Variants in TUSC3 observed in about 807,000 individuals in gnomAD.
TUSC3 encodes the protein tumor suppressor candidate 3, also known as dolichyl-diphosphooligosaccharide--protein glycosyltransferase subunit TUSC3.
Under a neutral mutation model 44.8 loss-of-function variants are expected in TUSC3, and 45 were observed. That is an observed-to-expected ratio of 1.00 (90% CI 0.79 to 1.29). The LOEUF (loss-of-function observed/expected upper bound fraction) is 1.29, where lower values mean the gene tolerates loss of function less well. Ranked by LOEUF, TUSC3 falls within the 50% of genes most tolerant of loss-of-function variation. The pLI, the probability that TUSC3 is intolerant of heterozygous loss-of-function variation, is 0.00. For missense variants in TUSC3, 519 were observed against 437.9 expected (o/e 1.19, Z -1.65); for synonymous variants, 212 against 152.9 (o/e 1.39, Z -2.85).
chr8:15,780,271 A>G, the TUSC3 span, among the ~76,000 whole-genome samples: 1 of 152,096 alleles, frequency 6.6e-6, no homozygotes, highest in African/African-American at 2.4e-5. Context: ...CATGGACCCC[A>G]CCCCAGGTAC....
intron 6 of TUSC3, among the ~76,000 whole-genome samples, chr8:15,698,458 A>G (rs1330552398): frequency 6.6e-6 from 1 of 152,186 alleles, no homozygotes; most frequent in Non-Finnish European, 1.5e-5. Flanking sequence ...CTTAAGTTAT[A>G]ATTTTAGGTT....
At chr8:15,587,074 C>G (rs1379034618) in intron 1 of TUSC3, among the ~76,000 whole-genome samples, 1 of 152,074 alleles carries the variant, frequency 6.6e-6, no homozygotes, top group East Asian at 1.9e-4. Flanking sequence ...AACATTTTTT[C>G]TTCTATTAAG....
chr8:15,700,414 CATAAT>C (rs1219356930), intron 6 of TUSC3, among the ~76,000 whole-genome samples: 5 of 152,048 alleles, frequency 3.3e-5, no homozygotes, highest in Non-Finnish European at 5.9e-5. Flanking sequence ...TAGCTATAAT[CATAAT>C]ATAAGCAAAG....
At chr8:15,466,620 G>C (rs17473451) in intron 1 of TUSC3, among the ~76,000 whole-genome samples, 90,744 of 151,966 alleles carry the variant, frequency 0.6, 27,598 homozygotes, top group East Asian at 0.75. Context: ...AAGTCATATA[G>C]TAGCTATCCA....
chr8:15,497,032 A>G (rs1032191071), intron 2 of TUSC3, among the ~76,000 whole-genome samples: 4 of 152,238 alleles, frequency 2.6e-5, no homozygotes, highest in African/African-American at 9.6e-5. Context: ...GGGGAAGCAG[A>G]TGATGAGAAA....
chr8:15,607,436 G>C (rs1034749105), intron 1 of TUSC3, among the ~76,000 whole-genome samples: 18 of 152,048 alleles, frequency 1.2e-4, no homozygotes, highest in African/African-American at 4.3e-4. Context: ...ACATACATTT[G>C]TAAAATAATT....
downstream of TUSC3, among the ~76,000 whole-genome samples, chr8:15,767,303 A>G (rs143460078): frequency 2.4e-3 from 367 of 152,222 alleles, 2 homozygotes; most frequent in African/African-American, 8.4e-3. Context: ...CCTTCCGGCC[A>G]TAATAGGAAA....
intron 2 of TUSC3, among the ~76,000 whole-genome samples, chr8:15,629,566 T>TG (rs2129167303): frequency 6.6e-6 from 1 of 151,354 alleles, no homozygotes; most frequent in East Asian, 1.9e-4. Context: ...TTTTTTTTTT[T>TG]TTTTCACGTG....
At chr8:15,546,806 G>A (rs1801883871) in intron 1 of TUSC3, among the ~76,000 whole-genome samples, 1 of 151,628 alleles carries the variant, frequency 6.6e-6, no homozygotes. Flanking sequence ...AAAGTGCTGG[G>A]ATTACAGGCA....
Position 15,554,518 on chromosome 8 carries a change from C to G in TUSC3, c.138+13950C>G, listed in dbSNP as rs185440593. On this transcript the variant is annotated intron_variant, in intron 1 of 10. Coordinates refer to ENST00000503731, the MANE Select transcript of TUSC3 (RefSeq NM_006765.4). ...ACTTTTATTTATTTATTTTTAAATA[C>G]TGAGATTTGGAGCTCTTAGTGCACT... Among the ~76,000 whole-genome samples the G allele has an allele frequency of 1.1e-3, 169 of 151,228 alleles. 3 individuals are homozygous for G. The highest frequency in any genetic ancestry group is 0.01 in the Middle Eastern group (3 of 290).
chr8:15,478,734 A>G (rs965429819), intron 1 of TUSC3, among the ~76,000 whole-genome samples: 4 of 152,192 alleles, frequency 2.6e-5, no homozygotes, highest in African/African-American at 7.2e-5. Context: ...TAGTGCTGCA[A>G]AGAACATATG....
intron 2 of TUSC3, among the ~76,000 whole-genome samples, chr8:15,522,513 A>G (rs2129129624): frequency 6.7e-6 from 1 of 150,190 alleles, no homozygotes. Context: ...GATCACCGGT[A>G]TGAGCCACCA....
At chr8:15,816,389 G>A in the TUSC3 span, among the ~76,000 whole-genome samples, 7 of 152,070 alleles carry the variant, frequency 4.6e-5, no homozygotes, top group African/African-American at 1.4e-4. Context: ...CTATTCTCCT[G>A]AGAACAAATT....
At chr8:15,618,358 T>C (rs1805089252) in intron 1 of TUSC3, among the ~76,000 whole-genome samples, 1 of 152,250 alleles carries the variant, frequency 6.6e-6, no homozygotes, top group Admixed American at 6.5e-5. Flanking sequence ...AAACACATTT[T>C]ACAGCTGTAC....
chr8:15,499,839 T>A (rs1307232947), intron 2 of TUSC3, among the ~76,000 whole-genome samples: 1 of 152,144 alleles, frequency 6.6e-6, no homozygotes, highest in Non-Finnish European at 1.5e-5. Context: ...CTTCTCAGCT[T>A]CCATAAGTGT....
In TUSC3 at chr8:15,540,340, G is replaced by A. The variant is rs7012310; in HGVS notation, c.-91G>A. 2,702 of 1,375,936 alleles carry A rather than the reference G, an allele frequency of 2.0e-3. 45 individuals are homozygous for A. The African/African-American group carries it at 0.035, about 18-fold the overall frequency. 85.2% of individuals were successfully genotyped at this position (1,375,936 alleles called of 1,614,324 possible). A position where few individuals can be genotyped will look rare whatever the true frequency, so the allele number is the denominator to read the frequency against. ...GCCATCCCGGAGGGCCCAGCCAGCGGGCTCCCGGAGGCTGGCCGGGCAGGC... is the reference window on the plus strand; with the variant it reads ...GCCATCCCGGAGGGCCCAGCCAGCGAGCTCCCGGAGGCTGGCCGGGCAGGC... On this transcript the variant is annotated 5_prime_UTR_variant, in exon 1 of 11. Coordinates refer to ENST00000503731, the MANE Select transcript of TUSC3 (RefSeq NM_006765.4).
At chr8:15,757,694 T>C (rs1811984471) in intron 9 of TUSC3, 97 bp from the exon 10 acceptor site, 10 of 1,422,958 alleles carry the variant, frequency 7.0e-6, no homozygotes, top group South Asian at 1.2e-5. Flanking sequence ...ATAAAGAATG[T>C]AGTGCTAAAT....
At chr8:15,666,349 G>A (rs894574454) in intron 5 of TUSC3, among the ~76,000 whole-genome samples, 10 of 151,488 alleles carry the variant, frequency 6.6e-5, no homozygotes, top group African/African-American at 1.5e-4. Context: ...GTAAATCACC[G>A]TAGGATAGAA....
intron 1 of TUSC3, among the ~76,000 whole-genome samples, chr8:15,462,482 C>G (rs554800703): frequency 1.1e-4 from 16 of 152,124 alleles, no homozygotes; most frequent in African/African-American, 3.9e-4. Flanking sequence ...TGAAACTATG[C>G]AGACTAGATC....
Sources: gnomAD v4.1 joint callset for allele counts (sites outside exome capture counted in the v4.1 genomes callset) on GRCh38, gnomAD v4.1.1 for gene constraint, MANE v1.5 for transcripts, NCBI Gene and HGNC (gene_info 2026-07-23, HGNC 2026-07-21) for gene names.